Variants in VEPH1 observed in about 807,000 individuals in gnomAD.
The protein encoded by VEPH1 is ventricular zone-expressed PH domain-containing protein homolog 1.
A neutral mutation model predicts 85.2 loss-of-function variants in VEPH1; 80 were observed. The ratio of observed to expected loss-of-function variants is 0.94; its 90% CI spans 0.78 to 1.13. VEPH1 has a LOEUF of 1.13. VEPH1 is among the 50% of genes most tolerant of loss of function. The pLI is 0.00. For synonymous variants in VEPH1, 297 were observed against 348.0 expected (o/e 0.85, Z 1.63); for missense variants, 955 against 980.5 (o/e 0.97, Z 0.35).
intron 9 of VEPH1, among the ~76,000 whole-genome samples, chr3:157,317,855 T>G (rs1720913067): frequency 6.6e-6 from 1 of 152,196 alleles, no homozygotes; most frequent in African/African-American, 2.4e-5. Context: ...TGGGTTGAGA[T>G]TCTATGGGCT....
intron 11 of VEPH1, 93 bp downstream of exon 11, chr3:157,313,528 A>G: frequency 7.1e-7 from 1 of 1,408,890 alleles, no homozygotes; most frequent in Non-Finnish European, 9.6e-7. Context: ...TAAACGAAAG[A>G]AGGATGAAAT....
intron 2 of VEPH1, among the ~76,000 whole-genome samples, chr3:157,475,909 T>C (rs927657884): frequency 6.6e-6 from 1 of 152,080 alleles, no homozygotes; most frequent in Non-Finnish European, 1.5e-5. Flanking sequence ...AAAAGAACGA[T>C]TGAGAAACTG....
intron 11 of VEPH1, among the ~76,000 whole-genome samples, chr3:157,313,327 C>T (rs1236500056): frequency 6.6e-6 from 1 of 152,096 alleles, no homozygotes. Context: ...AGTCACCACA[C>T]CCAGCTGTAA....
At chr3:157,441,642 T>TA (rs142542337) in intron 4 of VEPH1, among the ~76,000 whole-genome samples, 62 of 148,082 alleles carry the variant, frequency 4.2e-4, no homozygotes, top group African/African-American at 1.0e-3. Context: ...ACCCCGTGTC[T>TA]AAAAAAAAAA....
In VEPH1 at chr3:157,495,322, C is replaced by A. The variant is rs778742689; in HGVS notation, c.28G>T (p.Gly10Ter). ...CCAGCTCGTGAAAGATCTTTTTGTC[C>A]CAAAACCAGTCTGAACAGTTGATGC... MHQLFRLVL[G>*]QKDLSRAGDL... Residue 10 changes from glycine (G) to a stop codon, truncating the protein, a stop_gained, in exon 2 of 14, where the codon GGA (glycine) becomes TGA (stop). Coordinates refer to ENST00000362010, the MANE Select transcript of VEPH1 (RefSeq NM_001167912.2). LOFTEE classifies it high-confidence loss of function. 1 of 1,613,892 alleles carries A rather than the reference C, an allele frequency of 6.2e-7. No homozygotes were observed. The highest frequency in any genetic ancestry group is 1.1e-5 in the South Asian group (1 of 91,064).
chr3:157,321,685 C>G lies in VEPH1; in HGVS notation c.1736-4484G>C, dbSNP rs138361447. 5.3e-5 allele frequency among the ~76,000 whole-genome samples: 8 copies of G among 152,216 alleles called. No homozygotes were observed. The East Asian group carries it at 1.4e-3, about 26-fold the overall frequency. ...AAAGAGCATTGGCTGAGGATTCGGACAGAGTTTTATGGGTAGATTGTGTTT... is the reference window on the plus strand; with the variant it reads ...AAAGAGCATTGGCTGAGGATTCGGAGAGAGTTTTATGGGTAGATTGTGTTT... On this transcript the variant is annotated intron_variant, in intron 9 of 13. Transcript: ENST00000362010.
intron 5 of VEPH1, chr3:157,415,024 A>G (rs1731796088): frequency 6.6e-6 from 1 of 152,256 alleles, no homozygotes; most frequent in East Asian, 1.9e-4. Flanking sequence ...CCTGCCAAAA[A>G]CCTGCTTCTC....
At chr3:157,437,765 G>A (rs1037110007) in intron 4 of VEPH1, 1 of 1,486,110 alleles carries the variant, frequency 6.7e-7, no homozygotes, top group African/African-American at 1.5e-5. Flanking sequence ...CGCGACGCGG[G>A]CCGCAGGCTG....
intron 9 of VEPH1, among the ~76,000 whole-genome samples, chr3:157,341,425 G>A (rs1352982101): frequency 1.3e-5 from 2 of 152,208 alleles, no homozygotes; most frequent in East Asian, 3.8e-4. Flanking sequence ...AAGGGTATCA[G>A]TGATTGAAGA....
At chr3:157,461,740 TC>T (rs576492493) in intron 3 of VEPH1, among the ~76,000 whole-genome samples, 90 of 151,858 alleles carry the variant, frequency 5.9e-4, no homozygotes, top group Non-Finnish European at 9.6e-4. Context: ...AAAAAACATA[TC>T]CCCACCCCTA....
intron 12 of VEPH1, among the ~76,000 whole-genome samples, chr3:157,280,230 T>A (rs934218960): frequency 1.3e-4 from 20 of 152,204 alleles, no homozygotes; most frequent in African/African-American, 4.6e-4. Flanking sequence ...CATCTTATGC[T>A]TGTATGATGA....
At chr3:157,362,826 A>G (rs1186277340) in intron 9 of VEPH1, among the ~76,000 whole-genome samples, 1 of 152,204 alleles carries the variant, frequency 6.6e-6, no homozygotes, top group Non-Finnish European at 1.5e-5. Flanking sequence ...TTTTGGGGAC[A>G]TAGTCTCATC....
intron 11 of VEPH1, among the ~76,000 whole-genome samples, chr3:157,295,489 T>C (rs1718009252): frequency 1.3e-5 from 2 of 152,038 alleles, no homozygotes; most frequent in African/African-American, 4.8e-5. Flanking sequence ...CTACTTTGTA[T>C]AGTTACAGAG....
In VEPH1 at chr3:157,444,494, G is replaced by A. The variant is rs575333409; in HGVS notation, c.529+15687C>T. 2.6e-5 allele frequency among the ~76,000 whole-genome samples: 4 copies of A among 152,300 alleles called. No individual in the cohort carries two copies. The South Asian group carries it at 6.2e-4, about 24-fold the overall frequency. On this transcript the variant is annotated intron_variant, in intron 4 of 13. Coordinates refer to ENST00000362010, the MANE Select transcript of VEPH1 (RefSeq NM_001167912.2). ...TAAGCCTCTAAGAAAATCACTTGTA[G>A]TTAGGGGCTGATAGGCCAGTCTCAG...
At chr3:157,272,177 G>C (rs1305902450) in intron 12 of VEPH1, among the ~76,000 whole-genome samples, 1 of 151,526 alleles carries the variant, frequency 6.6e-6, no homozygotes, top group Non-Finnish European at 1.5e-5. Context: ...GAACCAGCAG[G>C]AGCATTGTCT....
intron 11 of VEPH1, among the ~76,000 whole-genome samples, chr3:157,309,780 TTTTA>T (rs1719897754): frequency 6.6e-6 from 1 of 152,032 alleles, no homozygotes; most frequent in Non-Finnish European, 1.5e-5. Context: ...TATTATTTTA[TTTTA>T]TTTATTTATT....
intron 4 of VEPH1, among the ~76,000 whole-genome samples, chr3:157,431,845 C>T (rs1024565021): frequency 2.7e-5 from 4 of 149,496 alleles, no homozygotes; most frequent in African/African-American, 7.3e-5. Flanking sequence ...TATATATATA[C>T]ATATATATAT....
intron 5 of VEPH1, among the ~76,000 whole-genome samples, chr3:157,420,517 T>C (rs1199844468): frequency 6.6e-6 from 1 of 152,224 alleles, no homozygotes; most frequent in Non-Finnish European, 1.5e-5. Context: ...TTTTATTTAC[T>C]AATTCCTACC....
intron 4 of VEPH1, among the ~76,000 whole-genome samples, chr3:157,434,019 T>C (rs1165765277): frequency 1.3e-5 from 2 of 152,224 alleles, no homozygotes; most frequent in African/African-American, 2.4e-5. Flanking sequence ...TTTCTCCTTA[T>C]AATTCTGTCA....
Sources: allele counts gnomAD v4.1 joint callset (sites outside exome capture counted in the v4.1 genomes callset), GRCh38; gene constraint gnomAD v4.1.1; transcripts MANE v1.5; gene names NCBI Gene and HGNC (gene_info 2026-07-23, HGNC 2026-07-21).